The following RXRG variants were observed in gnomAD, a reference collection of about 807,000 sequenced individuals.
RXRG encodes the protein retinoid X receptor gamma, also known as retinoic acid receptor RXR-gamma.
A neutral mutation model predicts 49.2 loss-of-function variants in RXRG; 19 were observed. That is an observed-to-expected ratio of 0.39 (90% CI 0.27 to 0.57). The LOEUF is 0.57. Among genes scored for constraint, RXRG ranks in the 20% least tolerant of loss-of-function variants. The pLI is 0.64. For synonymous variants in RXRG, 224 were observed against 216.6 expected (o/e 1.03, Z -0.30); for missense variants, 452 against 592.5 (o/e 0.76, Z 2.46).
Position 165,428,836 on chromosome 1 carries a change from C to A in RXRG, c.180G>T (p.Gly60=). The change falls in exon 2 of 10, where the codon GGG becomes GGT. Residue 60 remains glycine, a synonymous_variant. Coordinates refer to ENST00000359842, the MANE Select transcript of RXRG (RefSeq NM_006917.5). ...VSAPRTLSAV[G]TPLNALGSPY... ...GAGAGCCCAGGGCATTGAGGGGGGT[C>A]CCCACTGCACTCAGAGTCCGTGGGG... 4 of 1,614,122 alleles carry A rather than the reference C, an allele frequency of 2.5e-6. No individual in the cohort carries two copies. Among genetic ancestry groups the A allele is most frequent in the Non-Finnish European group, 3.4e-6 (4 of 1,179,990 alleles).
intron 9 of RXRG, among the ~76,000 whole-genome samples, chr1:165,403,170 T>C (rs1657641136): frequency 6.6e-6 from 1 of 152,234 alleles, no homozygotes; most frequent in Non-Finnish European, 1.5e-5. Context: ...TCCTTTCGGG[T>C]ACTTCTCTCT....
chr1:165,413,442 C>T (rs1056193306), intron 4 of RXRG, among the ~76,000 whole-genome samples: 2 of 152,168 alleles, frequency 1.3e-5, no homozygotes, highest in Non-Finnish European at 2.9e-5. Context: ...TGACATACTA[C>T]GAGCCACAGA....
intron 1 of RXRG, 129 bp downstream of exon 1, chr1:165,444,716 A>C: frequency 1.2e-6 from 1 of 800,988 alleles, no homozygotes; most frequent in Non-Finnish European, 2.1e-6. Flanking sequence ...CGCTATATAC[A>C]CACTATATAT....
At chr1:165,439,686 G>C (rs1284545292) in intron 1 of RXRG, among the ~76,000 whole-genome samples, 1 of 152,208 alleles carries the variant, frequency 6.6e-6, no homozygotes, top group Non-Finnish European at 1.5e-5. Context: ...AGCAGAGAAG[G>C]TTTCCTTCCC....
chr1:165,419,930 A>G lies in RXRG; in HGVS notation c.382T>C (p.Ser128Pro). ...TTAACCAGAGATCCGGGGCTGGTGG[A>G]TGGGTAGTTCATGTTTCCAATCCCG... is the stretch of plus-strand genomic sequence containing the variant. ...LPGIGNMNYPSTSPGSLVKHI... is the reference protein window; with the variant it reads ...LPGIGNMNYPPTSPGSLVKHI... Residue 128 changes from serine to proline, a missense_variant, in exon 3 of 10, where the codon TCC becomes CCC. Ser to Pro is a moderately conservative substitution (Grantham distance 74). Coordinates refer to ENST00000359842, the MANE Select transcript of RXRG (RefSeq NM_006917.5). 6.2e-7 allele frequency: 1 copy of G among 1,613,640 alleles called. No individual in the cohort carries two copies. The highest frequency in any genetic ancestry group is 8.5e-7 in the Non-Finnish European group (1 of 1,179,728).
At chr1:165,441,817 A>C (rs748573780) in intron 1 of RXRG, among the ~76,000 whole-genome samples, 2 of 152,204 alleles carry the variant, frequency 1.3e-5, no homozygotes, top group Non-Finnish European at 2.9e-5. Context: ...AGCAGCTGGC[A>C]AACCCTGGAC....
intron 3 of RXRG, among the ~76,000 whole-genome samples, chr1:165,418,284 A>G (rs17429600): frequency 0.43 from 65,981 of 151,980 alleles, 15,520 homozygotes; most frequent in South Asian, 0.57. Flanking sequence ...GACAGGCATC[A>G]TGAATCAATC....
At chr1:165,431,193 T>A (rs1414016886) in intron 1 of RXRG, among the ~76,000 whole-genome samples, 1 of 152,214 alleles carries the variant, frequency 6.6e-6, no homozygotes, top group Admixed American at 6.5e-5. Flanking sequence ...CTCTCCTCTG[T>A]GTTTGTTATC....
intron 7 of RXRG, among the ~76,000 whole-genome samples, chr1:165,408,751 T>A (rs1004336069): frequency 3.9e-5 from 6 of 152,000 alleles, no homozygotes; most frequent in Admixed American, 3.9e-4. Flanking sequence ...GGGGGATGAG[T>A]CATTCCAAAC....
At chr1:165,436,605 G>A (rs1658823232) in intron 1 of RXRG, among the ~76,000 whole-genome samples, 1 of 152,172 alleles carries the variant, frequency 6.6e-6, no homozygotes. Flanking sequence ...CTCGGAGGGA[G>A]CACCATTTTC....
chr1:165,424,497 C>A (rs2101729704), intron 2 of RXRG, among the ~76,000 whole-genome samples: 1 of 152,292 alleles, frequency 6.6e-6, no homozygotes, highest in South Asian at 2.1e-4. Context: ...GTAATCAGGG[C>A]AAGTATTTGT....
intron 1 of RXRG, among the ~76,000 whole-genome samples, chr1:165,429,500 C>T (rs1028918707): frequency 1.4e-4 from 21 of 152,160 alleles, no homozygotes; most frequent in Middle Eastern, 3.2e-3. Flanking sequence ...AGCACACAGT[C>T]GCTGACATCA....
chr1:165,442,990 A>T (rs2101752112), intron 1 of RXRG, among the ~76,000 whole-genome samples: 1 of 152,164 alleles, frequency 6.6e-6, no homozygotes, highest in East Asian at 1.9e-4. Context: ...GCTTTTCTGG[A>T]AGTGTTCTGC....
chr1:165,402,300 G>A (rs1294915992), intron 9 of RXRG, among the ~76,000 whole-genome samples: 2 of 152,108 alleles, frequency 1.3e-5, no homozygotes, highest in Non-Finnish European at 2.9e-5. Flanking sequence ...TGGCCAGGCT[G>A]GTCTTGAATT....
In RXRG at chr1:165,416,667, G is replaced by A. The variant is rs1225562643; in HGVS notation, c.622+374C>T. Among the ~76,000 whole-genome samples the A allele has an allele frequency of 3.9e-5, 6 of 152,150 alleles. No homozygotes were observed. The East Asian group carries it at 1.2e-3, about 29-fold the overall frequency. ...ATCCATTGGTAGAGCAGATCATAAG[G>A]ACCCTGAAACCTTGGCTCTGAGACT... On this transcript the variant is annotated intron_variant, in intron 4 of 9. Transcript: ENST00000359842.
chr1:165,425,373 G>A (rs1292314519), intron 2 of RXRG, among the ~76,000 whole-genome samples: 4 of 152,238 alleles, frequency 2.6e-5, no homozygotes, highest in East Asian at 3.9e-4. Flanking sequence ...TTGTGTGATT[G>A]CCATGAGAGT....
chr1:165,411,303 G>C (rs922726048), intron 4 of RXRG, among the ~76,000 whole-genome samples, 194 bp from the exon 5 acceptor site: 1 of 152,124 alleles, frequency 6.6e-6, no homozygotes, highest in Admixed American at 6.5e-5. Flanking sequence ...GAGAATGAGG[G>C]GTTCTTTAGT....
chr1:165,419,812 ACAGTGAG>A, intron 3 of RXRG, 51 bp downstream of exon 3: 5 of 1,439,158 alleles, frequency 3.5e-6, no homozygotes, highest in Non-Finnish European at 2.8e-6. Flanking sequence ...ATCCAGGCAG[ACAGTGAG>A]CAGCCCCTTC....
intron 8 of RXRG, 119 bp downstream of exon 8, chr1:165,408,108 T>C (rs1451599935): frequency 2.5e-6 from 2 of 795,446 alleles, no homozygotes; most frequent in Admixed American, 1.9e-5. Flanking sequence ...CTCTCCTGGA[T>C]TCCTGGCTCT....
Sources: gnomAD v4.1 joint callset for allele counts (sites outside exome capture counted in the v4.1 genomes callset) on GRCh38, gnomAD v4.1.1 for gene constraint, MANE v1.5 for transcripts, NCBI Gene and HGNC (gene_info 2026-07-23, HGNC 2026-07-21) for gene names.